CNTN5: variants seen among roughly 807,000 people sequenced by gnomAD.
CNTN5 encodes the protein contactin-5.
CNTN5 carries 77 observed loss-of-function variants against 129.1 expected under a neutral mutation model. That is an observed-to-expected ratio of 0.60 (90% confidence interval 0.50 to 0.72). CNTN5 has a LOEUF of 0.72. Ranked by LOEUF, CNTN5 falls within the 30% of genes least tolerant of loss-of-function variation. The pLI is 0.00. For missense variants in CNTN5, 1,478 were observed against 1,328.8 expected, an observed-to-expected ratio of 1.11 and a Z score of -1.75; for synonymous variants, 509 against 465.6, an observed-to-expected ratio of 1.09 and a Z score of -1.20.
At chr11:99,950,910 C>G (rs1950658848) in intron 7 of CNTN5, among the ~76,000 whole-genome samples, 1 of 152,172 alleles carries the variant, frequency 6.6e-6, no homozygotes, top group South Asian at 2.1e-4. Context: ...AATTTTCCCT[C>G]TGACTCTAAT....
At chr11:99,474,329 G>C (rs997112490) in intron 2 of CNTN5, among the ~76,000 whole-genome samples, 1 of 151,868 alleles carries the variant, frequency 6.6e-6, no homozygotes, top group Non-Finnish European at 1.5e-5. Flanking sequence ...CATCCTCTGC[G>C]TCTTCTTCCC....
chr11:99,023,905 C>T (rs1365701578), intron 1 of CNTN5, among the ~76,000 whole-genome samples: 3 of 152,032 alleles, frequency 2.0e-5, no homozygotes, highest in Non-Finnish European at 4.4e-5. Context: ...TTTCTTCTTT[C>T]TGACAATCCA....
At chr11:99,902,212 T>G (rs1461490276) in intron 6 of CNTN5, among the ~76,000 whole-genome samples, 2 of 151,510 alleles carry the variant, frequency 1.3e-5, no homozygotes, top group Non-Finnish European at 2.9e-5. Flanking sequence ...GATCTACTCC[T>G]CTGTTTTTGT....
chr11:99,915,290 A>G (rs1949759422), intron 6 of CNTN5, among the ~76,000 whole-genome samples: 2 of 152,254 alleles, frequency 1.3e-5, no homozygotes, highest in Admixed American at 1.3e-4. Flanking sequence ...ATAGAATTAC[A>G]ATTTAAATTA....
At chr11:99,131,783 A>G (rs992690290) in intron 1 of CNTN5, among the ~76,000 whole-genome samples, 2 of 152,176 alleles carry the variant, frequency 1.3e-5, no homozygotes, top group African/African-American at 4.8e-5. Context: ...AAAAAAGCCC[A>G]GGCCCAGATG....
chr11:99,655,575 T>C (rs1186066162), intron 3 of CNTN5, among the ~76,000 whole-genome samples: 3 of 152,102 alleles, frequency 2.0e-5, no homozygotes, highest in Admixed American at 1.3e-4. Context: ...ACAGTTGCAG[T>C]GTCAGTAAAT....
intron 1 of CNTN5, among the ~76,000 whole-genome samples, chr11:99,249,493 T>G (rs1861990022): frequency 6.6e-6 from 1 of 152,038 alleles, no homozygotes; most frequent in South Asian, 2.1e-4. Context: ...AATTAATGTA[T>G]TTTGGAAACA....
chr11:100,170,041 T>A (rs1947776508), intron 13 of CNTN5, among the ~76,000 whole-genome samples: 1 of 151,970 alleles, frequency 6.6e-6, no homozygotes, highest in Non-Finnish European at 1.5e-5. Flanking sequence ...CTTTTCTAGA[T>A]AAAAGAACAC....
At chr11:99,805,384 A>AT (rs1249921340) in intron 3 of CNTN5, among the ~76,000 whole-genome samples, 1 of 152,284 alleles carries the variant, frequency 6.6e-6, no homozygotes, top group African/African-American at 2.4e-5. Context: ...GATCTGAGCT[A>AT]TTTTTACAGA....
At chr11:100,153,030 A>G (rs930475453) in intron 13 of CNTN5, among the ~76,000 whole-genome samples, 1 of 152,160 alleles carries the variant, frequency 6.6e-6, no homozygotes, top group Non-Finnish European at 1.5e-5. Context: ...TTCTCATAAA[A>G]AGGAGAACAG....
At chr11:99,649,866 C>T (rs1240277642) in intron 3 of CNTN5, among the ~76,000 whole-genome samples, 4 of 151,638 alleles carry the variant, frequency 2.6e-5, no homozygotes, top group Admixed American at 6.6e-5. Flanking sequence ...TACTTGATTA[C>T]AAAAATTGTT....
At position 99,925,982 on chromosome 11, in the gene CNTN5, C is replaced by T. The variant is rs946995717; in HGVS notation, c.673+9833C>T. Among the ~76,000 whole-genome samples, 3 of 152,038 alleles carry T rather than the reference C, an allele frequency of 2.0e-5. No individual in the cohort carries two copies. In the South Asian group the frequency reaches 6.2e-4, roughly 31 times the overall value. On this transcript the variant is annotated intron_variant, in intron 7 of 24. Transcript: ENST00000524871. ...ATTCTCATCCTGGCTCTGACATTTA[C>T]CATTGGTCTGTCTGTTAAATTAAGC...
chr11:99,829,760 T>C (rs565483365), intron 4 of CNTN5, among the ~76,000 whole-genome samples: 1 of 152,298 alleles, frequency 6.6e-6, no homozygotes, highest in African/African-American at 2.4e-5. Flanking sequence ...GAGTGACATT[T>C]AAGTGATTTA....
chr11:99,861,251 C>T (rs1038340045), intron 6 of CNTN5, among the ~76,000 whole-genome samples: 4 of 152,218 alleles, frequency 2.6e-5, no homozygotes, highest in Admixed American at 1.3e-4. Flanking sequence ...GCCACCACAC[C>T]TGGCCCTTCA....
Position 99,819,290 on chromosome 11 carries a change from C to T in CNTN5, c.56-254C>T, listed in dbSNP as rs1201752751. Among the ~76,000 whole-genome samples the T allele has an allele frequency of 5.9e-5, 4 of 67,866 alleles. 1 individual carries two copies. The highest frequency in any genetic ancestry group is 1.2e-4 in the Non-Finnish European group (4 of 33,048). 44.5% of individuals were successfully genotyped at this position (67,866 alleles called of 152,430 possible). A position where few individuals can be genotyped will look rare whatever the true frequency, so the allele number is the denominator to read the frequency against. ...GCCATCATTTTTCCTTTTCCCTCTC[C>T]TCTCCTCCCCTTCCCTCCCCTCTCC... On this transcript the variant is annotated intron_variant, in intron 3 of 24. Transcript: ENST00000524871.
intron 10 of CNTN5, among the ~76,000 whole-genome samples, chr11:100,064,575 C>A (rs1287376305): frequency 6.6e-6 from 1 of 151,960 alleles, no homozygotes; most frequent in African/African-American, 2.4e-5. Context: ...ATAATTTGAA[C>A]CTTAGCATAA....
At chr11:99,675,429 T>C (rs925384059) in intron 3 of CNTN5, among the ~76,000 whole-genome samples, 1 of 152,156 alleles carries the variant, frequency 6.6e-6, no homozygotes, top group African/African-American at 2.4e-5. Flanking sequence ...ACACCTGTAA[T>C]CCTAGCACTT....
intron 18 of CNTN5, among the ~76,000 whole-genome samples, chr11:100,297,053 A>C (rs532177671): frequency 6.6e-6 from 1 of 151,690 alleles, no homozygotes; most frequent in Non-Finnish European, 1.5e-5. Flanking sequence ...CATTTGAAAA[A>C]GTTTCACTGG....
intron 13 of CNTN5, among the ~76,000 whole-genome samples, chr11:100,121,690 C>G (rs1555014406): frequency 6.6e-6 from 1 of 151,904 alleles, no homozygotes; most frequent in Non-Finnish European, 1.5e-5. Context: ...TTACCATGTG[C>G]CAGGCACTGA....
Sources: allele counts gnomAD v4.1 joint callset (sites outside exome capture counted in the v4.1 genomes callset), GRCh38; gene constraint gnomAD v4.1.1; transcripts MANE v1.5; gene names NCBI Gene and HGNC (gene_info 2026-07-23, HGNC 2026-07-21).